Variants in SYNRG observed in about 807,000 individuals in gnomAD.
SYNRG encodes the protein synergin gamma, also known as AP1 gamma subunit binding protein 1.
A neutral mutation model predicts 130.9 loss-of-function variants in SYNRG; 37 were observed. That is an observed-to-expected ratio of 0.28 (90% CI 0.22 to 0.37). SYNRG has a LOEUF of 0.37. Ranked by LOEUF, SYNRG falls within the 10% of genes least tolerant of loss-of-function variation. The pLI is 1.00. For missense variants in SYNRG, 1,338 were observed against 1,588.9 expected (o/e 0.84, Z 2.68); for synonymous variants, 539 against 568.1 (o/e 0.95, Z 0.73).
At chr17:37,529,669 TG>T in intron 19 of SYNRG, 1 of 940,946 alleles carries the variant, frequency 1.1e-6, no homozygotes, top group Non-Finnish European at 1.6e-6. Flanking sequence ...GCACTTCACC[TG>T]GTGAGAGGAG....
intron 11 of SYNRG, among the ~76,000 whole-genome samples, chr17:37,565,540 G>A (rs1362743881): frequency 2.0e-5 from 3 of 150,700 alleles, no homozygotes; most frequent in Non-Finnish European, 4.4e-5. Context: ...CTGCCTGGCT[G>A]CCCAGTCTGG....
At chr17:37,541,601 C>T in intron 15 of SYNRG, 2 of 227,102 alleles carry the variant, frequency 8.8e-6, no homozygotes, top group Admixed American at 5.0e-5. Context: ...CCGGCCCCCA[C>T]TTTGCAACCT....
At chr17:37,591,497 G>A (rs2062185468) in intron 3 of SYNRG, among the ~76,000 whole-genome samples, 1 of 152,170 alleles carries the variant, frequency 6.6e-6, no homozygotes, top group Non-Finnish European at 1.5e-5. Context: ...AAAGACAGAG[G>A]AACCAGAATA....
rs369262439 is a variant in SYNRG at position 37,586,517 on chromosome 17, C to T, written c.273G>A (p.Ala91=). The change falls in exon 4 of 22, where the codon GCG becomes GCA. Residue 91 remains alanine (A), a synonymous_variant. Coordinates refer to ENST00000612223, the MANE Select transcript of SYNRG (RefSeq NM_007247.6). ...AGIPMGPMPA[A]GMPYLGQAPF... is the part of the protein sequence containing the mutation. Reference sequence around the variant, plus strand: ...GTGCTTGTCCTAGGTAAGGCATTCCCGCTGCTGGCATTGGTCCCATTGGTA... The same window carrying T: ...GTGCTTGTCCTAGGTAAGGCATTCCTGCTGCTGGCATTGGTCCCATTGGTA... 41 of 1,613,988 alleles carry T rather than the reference C, an allele frequency of 2.5e-5. No individual in the cohort carries two copies. Among genetic ancestry groups the T allele is most frequent in the Middle Eastern group, 1.6e-4 (1 of 6,084 alleles).
At chr17:37,545,339 T>A (rs1158449580) in intron 14 of SYNRG, among the ~76,000 whole-genome samples, 2 of 152,104 alleles carry the variant, frequency 1.3e-5, no homozygotes, top group African/African-American at 4.8e-5. Context: ...GAGATTGCAG[T>A]AAGCCAAGAT....
chr17:37,586,275 T>C, intron 4 of SYNRG, 144 bp downstream of exon 4: 1 of 1,234,760 alleles, frequency 8.1e-7, no homozygotes, highest in Non-Finnish European at 1.1e-6. Flanking sequence ...ATTATAGGCA[T>C]GAACCACTGG....
At chr17:37,592,393 TA>T (rs1279529817) in intron 3 of SYNRG, among the ~76,000 whole-genome samples, 1 of 152,170 alleles carries the variant, frequency 6.6e-6, no homozygotes, top group Non-Finnish European at 1.5e-5. Context: ...GGCAGCATCT[TA>T]AAAAACTGAA....
rs1470820831 is a variant in SYNRG at position 37,577,514 on chromosome 17, A to C, written c.689T>G (p.Leu230Arg). ...LNTSEVGHKA[L>R]GPGSSKKYPS... is the part of the protein sequence containing the mutation. ...ATACTTCTTACTGGAACCTGGGCCT[A>C]GGGCTTTGTGGCCAACTTCAGAAGT... Residue 230 changes from leucine to arginine, a missense_variant, in exon 7 of 22, where the codon CTA (leucine) becomes CGA (arginine). By Grantham distance (102) the Leu-to-Arg change is moderately radical (BLOSUM62 -2). Coordinates refer to ENST00000612223, the MANE Select transcript of SYNRG (RefSeq NM_007247.6). 5.0e-6 allele frequency: 8 copies of C among 1,614,134 alleles called. No homozygotes were observed. The highest frequency in any genetic ancestry group is 6.8e-6 in the Non-Finnish European group (8 of 1,180,018).
At chr17:37,536,307 G>A (rs2057189142) in intron 18 of SYNRG, 180 bp from the exon 19 acceptor site, 2 of 736,540 alleles carry the variant, frequency 2.7e-6, no homozygotes, top group Non-Finnish European at 4.2e-6. Context: ...TTACTGGTAA[G>A]AGCATAGAAG....
intron 14 of SYNRG, among the ~76,000 whole-genome samples, chr17:37,552,789 T>C (rs1021213636): frequency 6.6e-6 from 1 of 152,212 alleles, no homozygotes; most frequent in Non-Finnish European, 1.5e-5. Context: ...CTGCCGGCAC[T>C]GCAAAGGTCT....
chr17:37,540,030 A>T (rs911356172), intron 16 of SYNRG, among the ~76,000 whole-genome samples: 2 of 152,186 alleles, frequency 1.3e-5, no homozygotes, highest in African/African-American at 4.8e-5. Flanking sequence ...AGCAGACAGA[A>T]ATAAAAAATT....
intron 19 of SYNRG, 55 bp from the exon 20 acceptor site, chr17:37,520,703 A>T: frequency 6.9e-7 from 1 of 1,441,146 alleles, no homozygotes; most frequent in East Asian, 2.3e-5. Context: ...CACGCTGTTC[A>T]CTTCACTCCC....
intron 1 of SYNRG, among the ~76,000 whole-genome samples, chr17:37,607,977 A>AAAC (rs1479788599): frequency 0.05 from 5,890 of 117,390 alleles, 97 homozygotes; most frequent in Middle Eastern, 0.095. Context: ...AAAAAAAAAA[A>AAAC]AAACAAGACA....
rs571428094 is a variant in SYNRG, at chr17:37,570,184, T to A, written c.1347+453A>T. Among the ~76,000 whole-genome samples the A allele has an allele frequency of 2.0e-5, 3 of 147,764 alleles. No homozygotes were observed. In the South Asian group the frequency reaches 6.5e-4, roughly 32 times the overall value. ...TTTTTTTAAACTCAGTCTCCTTCTG[T>A]TGCCAAGCAGGAGTGCAATGGTGTG... On this transcript the variant is annotated intron_variant, in intron 10 of 21. Transcript: ENST00000612223.
chr17:37,608,799 G>C (rs553629626), intron 1 of SYNRG, among the ~76,000 whole-genome samples: 1 of 152,248 alleles, frequency 6.6e-6, no homozygotes, highest in East Asian at 1.9e-4. Context: ...CACTCTAAAA[G>C]GGGAAGAGAC....
Position 37,553,468 on chromosome 17 carries a change from G to T in SYNRG, c.2255C>A (p.Ser752Tyr). 1.2e-6 allele frequency: 2 copies of T among 1,614,166 alleles called. No homozygotes were observed. Among genetic ancestry groups the T allele is most frequent in the South Asian group, 1.1e-5 (1 of 91,072 alleles). ...AACACCTAGTCCAGACCCTTCCAGA[G>T]AAAGTTGTCTGAAGACATCGTACTT... is the stretch of plus-strand genomic sequence containing the variant. ...STKYDVFRQL[S>Y]LEGSGLGVED... The change falls in exon 14 of 22, where the codon TCT becomes TAT. Residue 752 changes from serine (S) to tyrosine (Y), a missense_variant. Ser to Tyr is a moderately radical substitution (Grantham distance 144, BLOSUM62 -2). This residue lies in a region of SYNRG where 1,146 missense variants were observed against 1,342.3 expected (regional missense o/e 0.85). Transcript: ENST00000612223.
intron 14 of SYNRG, among the ~76,000 whole-genome samples, chr17:37,551,826 T>A (rs1325310914): frequency 7.4e-6 from 1 of 135,228 alleles, no homozygotes. Context: ...ACAATCACTC[T>A]ATCAAACAAA....
intron 7 of SYNRG, 190 bp from the exon 8 acceptor site, chr17:37,576,608 G>GT: frequency 2.1e-6 from 1 of 485,240 alleles, no homozygotes; most frequent in South Asian, 4.0e-5. Context: ...ACTCTTGTAC[G>GT]TTAACTATGT....
chr17:37,568,063 A>C (rs2060128282), intron 11 of SYNRG: 1 of 152,128 alleles, frequency 6.6e-6, no homozygotes, highest in South Asian at 2.1e-4. Context: ...AATACAAAAA[A>C]TTAGCTGGGC....
Sources: gnomAD v4.1 joint callset for allele counts (sites outside exome capture counted in the v4.1 genomes callset) on GRCh38, gnomAD v4.1.1 for gene constraint, gnomAD v4.1.1 regional missense constraint, MANE v1.5 for transcripts, NCBI Gene and HGNC (gene_info 2026-07-23, HGNC 2026-07-21) for gene names.